CENPB: variants seen among roughly 807,000 people sequenced by gnomAD.
The protein encoded by CENPB is centromere protein B.
Under a neutral mutation model 41.9 loss-of-function variants are expected in CENPB, and 19 were observed. That is an observed-to-expected ratio of 0.45 (90% CI 0.32 to 0.67). CENPB has a LOEUF of 0.67. CENPB is among the 30% of genes least tolerant of loss of function. The pLI is 0.04. For missense variants in CENPB, 614 were observed against 816.2 expected, an observed-to-expected ratio of 0.75 and a Z score of 3.02; for synonymous variants, 399 against 354.4, an observed-to-expected ratio of 1.13 and a Z score of -1.41.
rs746909694 is a variant in CENPB, at chr20:3,785,326, C to A, written c.1158G>T (p.Glu386Asp). Residue 386 changes from glutamate to aspartate, a missense_variant, in exon 1 of 1, where the codon GAG becomes GAT. Transcript: ENST00000379751. The stretch of plus-strand genomic sequence containing the variant: ...CATTAGGGCCACCCCCAAAGCCAGC[C>A]TCACGAAAGCAGGCGGCTATGTCCG... ...EPSDIAACFR[E>D]AGFGGGPNAT... 1.9e-6 allele frequency: 3 copies of A among 1,602,062 alleles called. No homozygotes were observed. The highest frequency in any genetic ancestry group is 1.1e-5 in the South Asian group (1 of 89,448).
Position 3,786,131 on chromosome 20 carries a change from G to A in CENPB, c.353C>T (p.Ala118Val). 1 of 1,597,292 alleles carries A rather than the reference G, an allele frequency of 6.3e-7. No individual in the cohort carries two copies. Among genetic ancestry groups the A allele is most frequent in the Non-Finnish European group, 8.5e-7 (1 of 1,178,962 alleles). The change falls in exon 1 of 1, where the codon GCC becomes GTC. Residue 118 changes from alanine (A) to valine (V), a missense_variant. Ala to Val is a moderately conservative substitution (Grantham distance 64). Coordinates refer to ENST00000379751, the MANE Select transcript of CENPB (RefSeq NM_001810.6). The stretch of plus-strand genomic sequence containing the variant: ...GAAGCGGTCCAGCCAGCCGTTGGAG[G>A]CGGTGAAGTCGTCCATGCCCAGCTC... ...AEELGMDDFT[A>V]SNGWLDRFRR... is the part of the protein sequence containing the mutation.
At position 3,786,607 on chromosome 20, in the gene CENPB, C is replaced by A. The variant is rs1690698211; in HGVS notation, c.-124G>T. ...GCGCCCCGCCCGAGACAAAGCGGCT[C>A]GCGGGCGCGGCGGCGGGGCGACGAC... On this transcript the variant is annotated 5_prime_UTR_variant, in exon 1 of 1. Transcript: ENST00000379751. 5.2e-6 allele frequency: 1 copy of A among 191,468 alleles called. No individual in the cohort carries two copies. The highest frequency in any genetic ancestry group is 6.8e-5 in the Admixed American group (1 of 14,678). 11.9% of individuals were successfully genotyped at this position (191,468 alleles called of 1,614,324 possible).
rs767403202 is a variant in CENPB at position 3,785,695 on chromosome 20, G to C, written c.789C>G (p.Ala263=). Residue 263 remains alanine, a synonymous_variant, in exon 1 of 1, where the codon GCC becomes GCG. Coordinates refer to ENST00000379751, the MANE Select transcript of CENPB (RefSeq NM_001810.6). ...GGGTGGTGACACCACCCTTGGAGTT[G>C]GCGGTGTAGTCGCAGGGCAGGCCGG... ...GQAGLPCDYT[A]NSKGGVTTQA... The C allele has an allele frequency of 4.4e-6, 7 of 1,609,172 alleles. No individual in the cohort carries two copies. In the East Asian group the frequency reaches 1.3e-4, roughly 31 times the overall value.
Position 3,785,990 on chromosome 20 carries a change from C to G in CENPB, c.494G>C (p.Ser165Thr). 6.6e-7 allele frequency: 1 copy of G among 1,512,116 alleles called. No homozygotes were observed. The highest frequency in any genetic ancestry group is 1.2e-5 in the South Asian group (1 of 81,246). The allele number at this position is 1,512,116 out of a possible 1,614,324, so 93.7% of individuals were successfully genotyped here. Reference protein sequence around the residue: ...ASPAAVPSEGSGGSTTGWRAR... With the variant: ...ASPAAVPSEGTGGSTTGWRAR... ...GCGCCAACCAGTAGTGCTCCCGCCACTGCCCTCCGAGGGCACCGCGGCCGG... is the reference window on the plus strand; with the variant it reads ...GCGCCAACCAGTAGTGCTCCCGCCAGTGCCCTCCGAGGGCACCGCGGCCGG... Residue 165 changes from serine (S) to threonine (T), a missense_variant, in exon 1 of 1, where the codon AGT (serine) becomes ACT (threonine). By Grantham distance (58) the Ser-to-Thr change is moderately conservative (BLOSUM62 1). Around this residue, in one of 2 missense-constraint regions of CENPB, gnomAD observed 537 missense variants for 629.4 expected, o/e 0.85. Transcript: ENST00000379751.
At position 3,784,681 on chromosome 20, in the gene CENPB, G is replaced by C. The variant is rs369514352; in HGVS notation, c.*3C>G. ...GGTTGGGGGCACAGCTAGGTCCAGT[G>C]ACTCAGCTTTGATGTCCAAGACCTC... On this transcript the variant is annotated 3_prime_UTR_variant, in exon 1 of 1. Coordinates refer to ENST00000379751, the MANE Select transcript of CENPB (RefSeq NM_001810.6). This position sits in a 1 kb window ranked among gnomAD's most constrained non-coding sequence, Gnocchi z 5.2. 4.3e-5 allele frequency: 69 copies of C among 1,613,702 alleles called. No individual in the cohort carries two copies. The African/African-American group carries it at 6.9e-4, about 16-fold the overall frequency.
In CENPB at chr20:3,784,425, C is replaced by A; in HGVS notation, c.*259G>T. On this transcript the variant is annotated 3_prime_UTR_variant, in exon 1 of 1. Coordinates refer to ENST00000379751, the MANE Select transcript of CENPB (RefSeq NM_001810.6). The surrounding 1 kb of genome is among the most constrained non-coding windows in gnomAD (Gnocchi z 5.2). ...TGGTAGCACCGGACAGCTCCCCACC[C>A]GCCCCACCTGGTCCCCTGAGCCCAG... The A allele has an allele frequency of 2.0e-6, 1 of 489,276 alleles. No homozygotes were observed. The highest frequency in any genetic ancestry group is 3.7e-6 in the Non-Finnish European group (1 of 269,234). The allele number at this position is 489,276 out of a possible 1,614,324, so 30.3% of individuals were successfully genotyped here.
Position 3,785,331 on chromosome 20 carries a change from G to T in CENPB, c.1153C>A (p.Arg385Ser). Residue 385 changes from arginine (R) to serine (S), a missense_variant, in exon 1 of 1, where the codon CGT (arginine) becomes AGT (serine). Arg to Ser is a moderately radical substitution (Grantham distance 110). Around this residue, in one of 2 missense-constraint regions of CENPB, gnomAD observed 537 missense variants for 629.4 expected, o/e 0.85. Coordinates refer to ENST00000379751, the MANE Select transcript of CENPB (RefSeq NM_001810.6). ...VEPSDIAACF[R>S]EAGFGGGPNA... ...GGGCCACCCCCAAAGCCAGCCTCACGAAAGCAGGCGGCTATGTCCGAAGGC... is the reference window on the plus strand; with the variant it reads ...GGGCCACCCCCAAAGCCAGCCTCACTAAAGCAGGCGGCTATGTCCGAAGGC... The T allele has an allele frequency of 6.2e-7, 1 of 1,602,348 alleles. No individual in the cohort carries two copies.
chr20:3,786,659 G>T lies in CENPB; in HGVS notation c.-176C>A. On this transcript the variant is annotated 5_prime_UTR_variant, in exon 1 of 1. Coordinates refer to ENST00000379751, the MANE Select transcript of CENPB (RefSeq NM_001810.6). ...CGGCCGGGCCGGGGGCACCTCCGGG[G>T]ACGCCGGCGGGCGCGTCGCCGGGCG... is the stretch of plus-strand genomic sequence containing the variant. The T allele has an allele frequency of 1.4e-5, 2 of 146,484 alleles. No homozygotes were observed. Among genetic ancestry groups the T allele is most frequent in the South Asian group, 3.7e-4 (2 of 5,456 alleles). The allele number at this position is 146,484 out of a possible 1,614,324, so 9.1% of individuals were successfully genotyped here.
At position 3,785,440 on chromosome 20, in the gene CENPB, C is replaced by T; in HGVS notation, c.1044G>A (p.Ala348=). ...RQAMLLKAMA[A]LEGQDPSGLQ... ...GGCCTGAGGGATCCTGGCCCTCTAG[C>T]GCGGCCATGGCCTTGAGCAGCATGG... The change falls in exon 1 of 1, where the codon GCG becomes GCA. Residue 348 remains alanine (A), a synonymous_variant. Transcript: ENST00000379751. 7 of 1,590,002 alleles carry T rather than the reference C, an allele frequency of 4.4e-6. No homozygotes were observed. Among genetic ancestry groups the T allele is most frequent in the Non-Finnish European group, 6.0e-6 (7 of 1,168,534 alleles).
Position 3,784,433 on chromosome 20 carries a change from C to T in CENPB, c.*251G>A. 2 of 505,536 alleles carry T rather than the reference C, an allele frequency of 4.0e-6. No individual in the cohort carries two copies. Among genetic ancestry groups the T allele is most frequent in the Non-Finnish European group, 3.6e-6 (1 of 279,636 alleles). The allele number at this position is 505,536 out of a possible 1,614,324, so 31.3% of individuals were successfully genotyped here. On this transcript the variant is annotated 3_prime_UTR_variant, in exon 1 of 1. Coordinates refer to ENST00000379751, the MANE Select transcript of CENPB (RefSeq NM_001810.6). The surrounding 1 kb of genome is among the most constrained non-coding windows in gnomAD (Gnocchi z 5.2). ...CCGGACAGCTCCCCACCCGCCCCAC[C>T]TGGTCCCCTGAGCCCAGGGCCAAAT...
chr20:3,783,950 C>T lies in CENPB; in HGVS notation c.*734G>A, dbSNP rs1028087116. On this transcript the variant is annotated 3_prime_UTR_variant, in exon 1 of 1. Coordinates refer to ENST00000379751, the MANE Select transcript of CENPB (RefSeq NM_001810.6). The surrounding 1 kb of genome is among the most constrained non-coding windows in gnomAD (Gnocchi z 4.2). ...CTGGACGGCTGGACTCTGGGCCCAGCCCCAGGCCCCTCTGCCCAGGATGGG... is the reference window on the plus strand; with the variant it reads ...CTGGACGGCTGGACTCTGGGCCCAGTCCCAGGCCCCTCTGCCCAGGATGGG... The T allele has an allele frequency of 6.6e-6, 1 of 152,414 alleles. No homozygotes were observed. Among genetic ancestry groups the T allele is most frequent in the Non-Finnish European group, 1.5e-5 (1 of 68,154 alleles). 9.4% of individuals were successfully genotyped at this position (152,414 alleles called of 1,614,324 possible).
chr20:3,786,206 A>C lies in CENPB; in HGVS notation c.278T>G (p.Leu93Arg). 6.2e-7 allele frequency: 1 copy of C among 1,601,822 alleles called. No homozygotes were observed. The highest frequency in any genetic ancestry group is 1.1e-5 in the South Asian group (1 of 91,064). Residue 93 changes from leucine to arginine, a missense_variant, in exon 1 of 1, where the codon CTG becomes CGG. This residue lies in a region of CENPB where 77 missense variants were observed against 186.8 expected (regional missense o/e 0.41). Coordinates refer to ENST00000379751, the MANE Select transcript of CENPB (RefSeq NM_001810.6). ...CTTGAGGATGATGCCCTTGACCGGC[A>C]GGCCGGCGGCGCGGATCTGCTGGAA... is the stretch of plus-strand genomic sequence containing the variant. ...AWFQQIRAAGLPVKGIILKEK... is the reference protein window; with the variant it reads ...AWFQQIRAAGRPVKGIILKEK...
In CENPB at chr20:3,784,786, G is replaced by T; in HGVS notation, c.1698C>A (p.Arg566=). 6.2e-7 allele frequency: 1 copy of T among 1,614,158 alleles called. No homozygotes were observed. Among genetic ancestry groups the T allele is most frequent in the Non-Finnish European group, 8.5e-7 (1 of 1,180,022 alleles). Residue 566 remains arginine (R), a synonymous_variant, in exon 1 of 1, where the codon CGC becomes CGA. Transcript: ENST00000379751. The surrounding 1 kb of genome is among the most constrained non-coding windows in gnomAD (Gnocchi z 5.2). ...CCAAGTGGAGGATGTGGCTCTGCAC[G>T]CGGTCATCAATGGGGAAGGAGGTCA... is the stretch of plus-strand genomic sequence containing the variant. ...RYLTSFPIDD[R]VQSHILHLEH...
At position 3,786,074 on chromosome 20, in the gene CENPB, C is replaced by A; in HGVS notation, c.410G>T (p.Gly137Val). Reference protein sequence around the residue: ...RRRHGVVSCSGVARARARNAA... With the variant: ...RRRHGVVSCSVVARARARNAA... ...GTTTCGCGCGCGGGCGCGGGCCACG[C>A]CGCTGCAGGACACCACGCCGTGGCG... Residue 137 changes from glycine to valine, a missense_variant, in exon 1 of 1, where the codon GGC becomes GTC. Transcript: ENST00000379751. 1 of 1,574,514 alleles carries A rather than the reference C, an allele frequency of 6.4e-7. No homozygotes were observed. Among genetic ancestry groups the A allele is most frequent in the Non-Finnish European group, 8.6e-7 (1 of 1,169,140 alleles).
In CENPB at chr20:3,784,214, G is replaced by A; in HGVS notation, c.*470C>T. ...TCTCAAGGCGGCCTGGGGGGTGGGGGTGGGGGCTGCCAGCCTTGCAGGGGG... is the reference window on the plus strand; with the variant it reads ...TCTCAAGGCGGCCTGGGGGGTGGGGATGGGGGCTGCCAGCCTTGCAGGGGG... On this transcript the variant is annotated 3_prime_UTR_variant, in exon 1 of 1. Coordinates refer to ENST00000379751, the MANE Select transcript of CENPB (RefSeq NM_001810.6). This position sits in a 1 kb window ranked among gnomAD's most constrained non-coding sequence, Gnocchi z 5.2. 1 of 173,102 alleles carries A rather than the reference G, an allele frequency of 5.8e-6. No individual in the cohort carries two copies. The highest frequency in any genetic ancestry group is 5.4e-5 in the Admixed American group (1 of 18,426). 10.7% of individuals were successfully genotyped at this position (173,102 alleles called of 1,614,324 possible).
In CENPB at chr20:3,786,362, G is replaced by A; in HGVS notation, c.122C>T (p.Thr41Met). Residue 41 changes from threonine (T) to methionine (M), a missense_variant, in exon 1 of 1, where the codon ACG (threonine) becomes ATG (methionine). Transcript: ENST00000379751. ...CTTGTTCTTCAGGATCGTGCTCAGC[G>A]TGGACGGCGGGATGTTGAAGCGCCG... ...IARRFNIPPS[T>M]LSTILKNKRA... 6.2e-7 allele frequency: 1 copy of A among 1,605,490 alleles called. No individual in the cohort carries two copies.
In CENPB at chr20:3,785,330, C is replaced by G; in HGVS notation, c.1154G>C (p.Arg385Pro). 1.2e-6 allele frequency: 2 copies of G among 1,601,950 alleles called. No individual in the cohort carries two copies. The highest frequency in any genetic ancestry group is 1.7e-6 in the Non-Finnish European group (2 of 1,175,616). The change falls in exon 1 of 1, where the codon CGT becomes CCT. Residue 385 changes from arginine (R) to proline (P), a missense_variant. Arg to Pro is a moderately radical substitution (Grantham distance 103). Around this residue, in one of 2 missense-constraint regions of CENPB, gnomAD observed 537 missense variants for 629.4 expected, o/e 0.85. Transcript: ENST00000379751. ...AGGGCCACCCCCAAAGCCAGCCTCA[C>G]GAAAGCAGGCGGCTATGTCCGAAGG... ...VEPSDIAACF[R>P]EAGFGGGPNA...
Position 3,785,535 on chromosome 20 carries a change from A to C in CENPB, c.949T>G (p.Phe317Val). The C allele has an allele frequency of 6.3e-7, 1 of 1,598,712 alleles. No homozygotes were observed. The change falls in exon 1 of 1, where the codon TTC becomes GTC. Residue 317 changes from phenylalanine to valine, a missense_variant. Around this residue, in one of 2 missense-constraint regions of CENPB, gnomAD observed 537 missense variants for 629.4 expected, o/e 0.85. Transcript: ENST00000379751. ...SGLRHVQLAF[F>V]PPGTVHPLER... ...AGCGGATGCACGGTGCCGGGAGGGA[A>C]GAAGGCCAGCTGCACATGCCGCAGG...
Position 3,785,864 on chromosome 20 carries a change from T to C in CENPB, c.620A>G (p.Gln207Arg). 6.2e-7 allele frequency: 1 copy of C among 1,608,280 alleles called. No homozygotes were observed. Among genetic ancestry groups the C allele is most frequent in the Non-Finnish European group, 8.5e-7 (1 of 1,178,340 alleles). Residue 207 changes from glutamine to arginine, a missense_variant, in exon 1 of 1, where the codon CAG becomes CGG. Transcript: ENST00000379751. ...GTCGCCTCCGCACAGCCCCGCGGCC[T>C]GGTCGGGCAGGAAGTCGTACCATAG... The part of the protein sequence containing the change: ...TSLWYDFLPD[Q>R]AAGLCGGDGR...
Sources: allele counts gnomAD v4.1 joint callset, GRCh38; gene constraint gnomAD v4.1.1; regional missense constraint gnomAD v4.1.1; non-coding constraint Gnocchi (gnomAD v3.1); transcripts MANE v1.5; gene names NCBI Gene and HGNC (gene_info 2026-07-23, HGNC 2026-07-21).